RAPGEFL1: variants seen among roughly 807,000 people sequenced by gnomAD.
RAPGEFL1 encodes Rap guanine nucleotide exchange factor like 1.
RAPGEFL1 carries 31 observed loss-of-function variants against 64.4 expected under a neutral mutation model. The ratio of observed to expected loss-of-function variants is 0.48; its 90% CI spans 0.36 to 0.65. RAPGEFL1 has a LOEUF of 0.65. Among genes scored for constraint, RAPGEFL1 ranks in the 30% least tolerant of loss-of-function variants. The probability of loss-of-function intolerance (pLI) is 0.00; values close to 1 mark genes in which losing one functional copy is unlikely to be tolerated. For missense variants in RAPGEFL1, 682 were observed against 677.4 expected (o/e 1.01, Z -0.08); for synonymous variants, 331 against 274.1 (o/e 1.21, Z -2.05).
upstream of RAPGEFL1, chr17:40,177,229 C>T (rs1222196540): frequency 1.4e-6 from 1 of 702,504 alleles, no homozygotes; most frequent in Non-Finnish European, 2.6e-6. Context: ...TGTCCTGACT[C>T]TTTGAAATGA....
chr17:40,193,972 T>G lies in RAPGEFL1; in HGVS notation c.*184T>G. 2 of 738,968 alleles carry G rather than the reference T, an allele frequency of 2.7e-6. No individual in the cohort carries two copies. The highest frequency in any genetic ancestry group is 4.2e-6 in the Non-Finnish European group (2 of 474,732). 45.8% of individuals were successfully genotyped at this position (738,968 alleles called of 1,614,324 possible). A position where few individuals can be genotyped will look rare whatever the true frequency, so the allele number is the denominator to read the frequency against. Reference sequence around the variant, plus strand: ...TCATCCTGCTGAAGTCCCCTCCCCATTGCTCCTTCAAGCCAAAACTACACT... The same window carrying G: ...TCATCCTGCTGAAGTCCCCTCCCCAGTGCTCCTTCAAGCCAAAACTACACT... On this transcript the variant is annotated 3_prime_UTR_variant, in exon 15 of 15. Transcript: ENST00000620260.
Position 40,177,802 on chromosome 17 carries a change from C to T in RAPGEFL1, c.-60C>T. 2 of 411,108 alleles carry T rather than the reference C, an allele frequency of 4.9e-6. No individual in the cohort carries two copies. Among genetic ancestry groups the T allele is most frequent in the Middle Eastern group, 4.8e-4 (1 of 2,100 alleles). 25.5% of individuals were successfully genotyped at this position (411,108 alleles called of 1,614,324 possible). The stretch of plus-strand genomic sequence containing the variant: ...AGCATCGTGTCTTCGCCGCCCCCCC[C>T]GCCCGCGCCTGGGATACCTGGGTCC... On this transcript the variant is annotated 5_prime_UTR_variant, in exon 1 of 15. Coordinates refer to ENST00000620260, the MANE Select transcript of RAPGEFL1 (RefSeq NM_016339.6).
chr17:40,190,102 G>C (rs1990209710), intron 6 of RAPGEFL1, among the ~76,000 whole-genome samples: 1 of 152,186 alleles, frequency 6.6e-6, no homozygotes, highest in African/African-American at 2.4e-5. Flanking sequence ...AAAGACACAG[G>C]ATGAGTGGGA....
In RAPGEFL1 at chr17:40,190,453, C is replaced by T. The variant is rs1435187331; in HGVS notation, c.1134C>T (p.Pro378=). 6.2e-7 allele frequency: 1 copy of T among 1,614,048 alleles called. No individual in the cohort carries two copies. Residue 378 remains proline (P), a synonymous_variant, in exon 7 of 15, where the codon CCC becomes CCT. Transcript: ENST00000620260. Reference sequence around the variant, plus strand: ...CTGCAGAGAAGGTCCTTCTCCAGCCCACTGAGGACTGTGTTTTCACCGCAC... The same window carrying T: ...CTGCAGAGAAGGTCCTTCTCCAGCCTACTGAGGACTGTGTTTTCACCGCAC... ...SSSGEKVLLQ[P]TEDCVFTALG...
At position 40,192,206 on chromosome 17, in the gene RAPGEFL1, T is replaced by A. The variant is rs1990298631; in HGVS notation, c.1606-7T>A. 2 of 1,613,298 alleles carry A rather than the reference T, an allele frequency of 1.2e-6. No individual in the cohort carries two copies. The highest frequency in any genetic ancestry group is 1.7e-6 in the Non-Finnish European group (2 of 1,179,372). ...GATATCCCTTCTCCTTCCTTCAAACTCTGCAGAAGCTGCCAGGGAAATTCA... is the reference window on the plus strand; with the variant it reads ...GATATCCCTTCTCCTTCCTTCAAACACTGCAGAAGCTGCCAGGGAAATTCA... On this transcript the variant is annotated splice_polypyrimidine_tract_variant and splice_region_variant and intron_variant, in intron 10 of 14. Transcript: ENST00000620260.
At position 40,183,523 on chromosome 17, in the gene RAPGEFL1, T is replaced by C. The variant is rs184854382; in HGVS notation, c.600-691T>C. 4.8e-4 allele frequency among the ~76,000 whole-genome samples: 67 copies of C among 140,912 alleles called. No individual in the cohort carries two copies. The South Asian group carries it at 8.9e-3, about 19-fold the overall frequency. The allele number at this position is 140,912 out of a possible 152,430, so 92.4% of individuals were successfully genotyped here. ...TCTTTCTTTTCTTTTCTTTTCTTTT[T>C]TTTTTTTTTTTTTGAGATGGAGTTT... On this transcript the variant is annotated intron_variant, in intron 2 of 14. Coordinates refer to ENST00000620260, the MANE Select transcript of RAPGEFL1 (RefSeq NM_016339.6).
intron 13 of RAPGEFL1, 100 bp downstream of exon 13, chr17:40,193,090 G>A: frequency 1.7e-6 from 2 of 1,169,304 alleles, no homozygotes; most frequent in South Asian, 2.5e-5. Flanking sequence ...TCCTCCAAGT[G>A]CCCAGCTTGC....
chr17:40,179,442 G>A (rs888629039), intron 1 of RAPGEFL1, among the ~76,000 whole-genome samples: 25 of 151,628 alleles, frequency 1.6e-4, no homozygotes, highest in African/African-American at 6.1e-4. Context: ...TCCTGACCTC[G>A]TTATCTACCT....
upstream of RAPGEFL1, chr17:40,177,076 C>A: frequency 1.4e-6 from 1 of 702,398 alleles, no homozygotes; most frequent in Non-Finnish European, 2.6e-6. Context: ...ACCCAAGAGG[C>A]CTTCCCAGCT....
intron 1 of RAPGEFL1, among the ~76,000 whole-genome samples, chr17:40,179,581 T>C (rs1989833355): frequency 6.6e-6 from 1 of 151,736 alleles, no homozygotes; most frequent in Admixed American, 6.6e-5. Context: ...ATGATGATAC[T>C]ATTTCACCAC....
chr17:40,188,823 A>AT (rs763810698), intron 4 of RAPGEFL1, 43 bp from the exon 5 acceptor site: 12 of 1,520,884 alleles, frequency 7.9e-6, no homozygotes, highest in South Asian at 2.2e-5. Flanking sequence ...GGTTGTCCAT[A>AT]TGCCTGGCAG....
chr17:40,188,953 G>C lies in RAPGEFL1; in HGVS notation c.921G>C (p.Arg307=). ...FRRIDSCLQT[R]VAFRGSDEIF... ...GGATAGACTCCTGTCTGCAGACCCGGGTGGCCTTCCGGGGCTCTGATGAGA... is the reference window on the plus strand; with the variant it reads ...GGATAGACTCCTGTCTGCAGACCCGCGTGGCCTTCCGGGGCTCTGATGAGA... Residue 307 remains arginine, a synonymous_variant, in exon 5 of 15, where the codon CGG becomes CGC. Transcript: ENST00000620260. 1 of 1,614,176 alleles carries C rather than the reference G, an allele frequency of 6.2e-7. No individual in the cohort carries two copies. The highest frequency in any genetic ancestry group is 1.7e-5 in the Admixed American group (1 of 60,014).
rs886954046 is a variant in RAPGEFL1, at chr17:40,178,155, G to A, written c.294G>A (p.Gly98=). 7 of 560,216 alleles carry A rather than the reference G, an allele frequency of 1.2e-5. No homozygotes were observed. In the South Asian group the frequency reaches 1.4e-4, roughly 11 times the overall value. 34.7% of individuals were successfully genotyped at this position (560,216 alleles called of 1,614,324 possible). Residue 98 remains glycine, a synonymous_variant, in exon 1 of 15, where the codon GGG becomes GGA. Transcript: ENST00000620260. ...GGGTCGCGGAGGAGCCGGGCAGCGG[G>A]GGGCCCTGCTGGCTGCAGCTGGAGG... The part of the protein sequence containing the change: ...PAGVAEEPGS[G]GPCWLQLEEV...
intron 1 of RAPGEFL1, chr17:40,181,150 T>G: frequency 2.7e-6 from 1 of 366,374 alleles, no homozygotes. Flanking sequence ...CCCACCTGCC[T>G]AGTTAGAACT....
Position 40,178,290 on chromosome 17 carries a change from C to T in RAPGEFL1, c.429C>T (p.Ala143=), listed in dbSNP as rs1372078403. ...AGCCCTTGACTTCGCCGCCCTGGGC[C>T]CCTCTGGGCGCCCCCGAGCGGCCCG... The part of the protein sequence containing the change: ...PGEPLTSPPW[A]PLGAPERPEH... Residue 143 remains alanine (A), a synonymous_variant, in exon 1 of 15, where the codon GCC becomes GCT. Transcript: ENST00000620260. 1 of 644,012 alleles carries T rather than the reference C, an allele frequency of 1.6e-6. No individual in the cohort carries two copies. Among genetic ancestry groups the T allele is most frequent in the Non-Finnish European group, 2.8e-6 (1 of 354,206 alleles). 39.9% of individuals were successfully genotyped at this position (644,012 alleles called of 1,614,324 possible). A position where few individuals can be genotyped will look rare whatever the true frequency, so the allele number is the denominator to read the frequency against.
At chr17:40,193,501 T>C in intron 14 of RAPGEFL1, 84 bp downstream of exon 14, 2 of 1,579,438 alleles carry the variant, frequency 1.3e-6, no homozygotes, top group Non-Finnish European at 1.7e-6. Flanking sequence ...TGTCCAGATG[T>C]GTATTTCCAT....
Position 40,178,207 on chromosome 17 carries a change from G to T in RAPGEFL1, c.346G>T (p.Gly116Ter). 1 of 567,538 alleles carries T rather than the reference G, an allele frequency of 1.8e-6. No individual in the cohort carries two copies. Among genetic ancestry groups the T allele is most frequent in the African/African-American group, 2.0e-5 (1 of 50,474 alleles). The allele number at this position is 567,538 out of a possible 1,614,324, so 35.2% of individuals were successfully genotyped here. A position where few individuals can be genotyped will look rare whatever the true frequency, so the allele number is the denominator to read the frequency against. ...GGTGCCGGGGCCCGGGCCTCTCGGG[G>T]GAGGGGGGCCCCTGCGCTCCCCTTC... The part of the protein sequence containing the change: ...EEVPGPGPLG[G>*]GGPLRSPSSY... Residue 116 changes from glycine (G) to a stop codon, truncating the protein, a stop_gained, in exon 1 of 15, where the codon GGA (glycine) becomes TGA (stop). Coordinates refer to ENST00000620260, the MANE Select transcript of RAPGEFL1 (RefSeq NM_016339.6). LOFTEE classifies it high-confidence loss of function.
chr17:40,188,048 G>A (rs1990139126), intron 4 of RAPGEFL1, among the ~76,000 whole-genome samples: 1 of 150,768 alleles, frequency 6.6e-6, no homozygotes, highest in Non-Finnish European at 1.5e-5. Flanking sequence ...CCAAGTAGCT[G>A]GGATTACAGG....
In RAPGEFL1 at chr17:40,178,271, T is replaced by C; in HGVS notation, c.410T>C (p.Leu137Ser). Residue 137 changes from leucine to serine, a missense_variant, in exon 1 of 15, where the codon TTG becomes TCG. Leu to Ser is a moderately radical substitution (Grantham distance 145). This residue lies in a region of RAPGEFL1 where 271 missense variants were observed against 158.0 expected (regional missense o/e 1.72). Coordinates refer to ENST00000620260, the MANE Select transcript of RAPGEFL1 (RefSeq NM_016339.6). ...GACGAGCTGTCCCCAGGCGAGCCCT[T>C]GACTTCGCCGCCCTGGGCCCCTCTG... ...SSDELSPGEP[L>S]TSPPWAPLGA... 1.5e-6 allele frequency: 1 copy of C among 651,480 alleles called. No homozygotes were observed. Among genetic ancestry groups the C allele is most frequent in the East Asian group, 3.1e-5 (1 of 31,952 alleles). The allele number at this position is 651,480 out of a possible 1,614,324, so 40.4% of individuals were successfully genotyped here.
Sources: allele counts gnomAD v4.1 joint callset (sites outside exome capture counted in the v4.1 genomes callset), GRCh38; gene constraint gnomAD v4.1.1; regional missense constraint gnomAD v4.1.1; transcripts MANE v1.5; gene names NCBI Gene and HGNC (gene_info 2026-07-23, HGNC 2026-07-21).